The following ILKAP variants were observed in gnomAD, a reference collection of about 807,000 sequenced individuals.
ILKAP encodes ILK associated serine/threonine phosphatase, also known as integrin-linked kinase-associated serine/threonine phosphatase 2C.
In ILKAP, 11 loss-of-function variants were observed where a neutral mutation model predicts 49.1. The observed-to-expected ratio is 0.22, with a 90% CI of 0.14 to 0.37. ILKAP has a LOEUF of 0.37. Among genes scored for constraint, ILKAP ranks in the 10% least tolerant of loss-of-function variants. The pLI is 1.00. For synonymous variants in ILKAP, 186 were observed against 192.8 expected, an observed-to-expected ratio of 0.96 and a Z score of 0.29; for missense variants, 363 against 510.8, an observed-to-expected ratio of 0.71 and a Z score of 2.79.
rs531582829 is a variant in ILKAP at position 238,195,936 on chromosome 2, A to G, written c.56-1066T>C. Reference sequence around the variant, plus strand: ...CAGGCGCCTGTAGTCCAAGCTACTCAGTAGGCTGAGGTGGGAGGATCACCT... The same window carrying G: ...CAGGCGCCTGTAGTCCAAGCTACTCGGTAGGCTGAGGTGGGAGGATCACCT... On this transcript the variant is annotated intron_variant, in intron 1 of 11. Coordinates refer to ENST00000254654, the MANE Select transcript of ILKAP (RefSeq NM_030768.3). Among the ~76,000 whole-genome samples, 3 of 149,680 alleles carry G rather than the reference A, an allele frequency of 2.0e-5. No individual in the cohort carries two copies. The South Asian group carries it at 6.5e-4, about 32-fold the overall frequency.
In ILKAP at chr2:238,184,061, G is replaced by A. The variant is rs772804624; in HGVS notation, c.585C>T (p.Phe195=). ...TAAGGAACTCTTCATCAGTATGCTT[G>A]AAAGTGTCCAAAAGGCATCTCTTCA... ...KTVKRCLLDT[F]KHTDEEFLKQ... Residue 195 remains phenylalanine (F), a synonymous_variant, in exon 7 of 12, where the codon TTC becomes TTT. Transcript: ENST00000254654. The A allele has an allele frequency of 1.9e-6, 3 of 1,611,760 alleles. No homozygotes were observed. The highest frequency in any genetic ancestry group is 2.5e-6 in the Non-Finnish European group (3 of 1,177,844).
chr2:238,199,990 AT>A (rs1412679625), intron 1 of ILKAP, among the ~76,000 whole-genome samples: 3 of 152,174 alleles, frequency 2.0e-5, no homozygotes, highest in African/African-American at 4.8e-5. Flanking sequence ...CTGACCATCA[AT>A]TTTTAAAGTA....
At chr2:238,183,984 C>G (rs1559293495) in intron 7 of ILKAP, 36 bp downstream of exon 7, 2 of 1,284,652 alleles carry the variant, frequency 1.6e-6, no homozygotes, top group Admixed American at 1.7e-5. Context: ...ACACCACACA[C>G]AGTCCACTCA....
intron 9 of ILKAP, among the ~76,000 whole-genome samples, chr2:238,179,706 G>A (rs1693609093): frequency 6.6e-6 from 1 of 152,116 alleles, no homozygotes; most frequent in African/African-American, 2.4e-5. Flanking sequence ...AAGGACTACT[G>A]AGTATACAGC....
chr2:238,188,502 C>A, intron 4 of ILKAP: 1 of 410,666 alleles, frequency 2.4e-6, no homozygotes. Context: ...AGTCAGTGAG[C>A]ACAAAACAAC....
At position 238,173,625 on chromosome 2, in the gene ILKAP, C is replaced by A; in HGVS notation, c.865G>T (p.Val289Leu). The A allele has an allele frequency of 1.9e-6, 3 of 1,613,946 alleles. No individual in the cohort carries two copies. The highest frequency in any genetic ancestry group is 2.5e-6 in the Non-Finnish European group (3 of 1,179,850). ...TGCCCGTCCCCAATGGAGCGTGACACCTCTAGCACGCCCAAAACACGCCCA... is the reference window on the plus strand; with the variant it reads ...TGCCCGTCCCCAATGGAGCGTGACAACTCTAGCACGCCCAAAACACGCCCA... ...RDGRVLGVLEVSRSIGDGQYK... is the reference protein window; with the variant it reads ...RDGRVLGVLELSRSIGDGQYK... Residue 289 changes from valine (V) to leucine (L), a missense_variant, in exon 10 of 12, where the codon GTG becomes TTG. Transcript: ENST00000254654.
chr2:238,201,089 G>A (rs1455326481), intron 1 of ILKAP, among the ~76,000 whole-genome samples: 1 of 152,160 alleles, frequency 6.6e-6, no homozygotes, highest in African/African-American at 2.4e-5. Flanking sequence ...AGAGATTTGT[G>A]GTACCCACAT....
At chr2:238,198,851 A>G (rs1471464708) in intron 1 of ILKAP, among the ~76,000 whole-genome samples, 2 of 152,198 alleles carry the variant, frequency 1.3e-5, no homozygotes, top group East Asian at 3.8e-4. Context: ...TTAAAAAAGG[A>G]TGTTAAAATA....
At chr2:238,194,729 A>T in intron 2 of ILKAP, 76 bp downstream of exon 2, 1 of 1,425,648 alleles carries the variant, frequency 7.0e-7, no homozygotes, top group Non-Finnish European at 9.9e-7. Flanking sequence ...GGGGAAAGGG[A>T]AAAAGATTGA....
At chr2:238,192,424 G>A (rs563289783) in intron 3 of ILKAP, among the ~76,000 whole-genome samples, 5 of 152,106 alleles carry the variant, frequency 3.3e-5, no homozygotes, top group Middle Eastern at 3.4e-3. Context: ...ATCGGGCCGG[G>A]CAAGGTCGCT....
chr2:238,183,980 C>G, intron 7 of ILKAP, 40 bp downstream of exon 7: 1 of 1,272,956 alleles, frequency 7.9e-7, no homozygotes, highest in Non-Finnish European at 1.2e-6. Flanking sequence ...GAAAACACCA[C>G]ACACAGTCCA....
At chr2:238,171,128 AT>A (rs1438186185) in intron 10 of ILKAP, 104 bp from the exon 11 acceptor site, 1 of 755,658 alleles carries the variant, frequency 1.3e-6, no homozygotes, top group Non-Finnish European at 2.2e-6. Context: ...TTGTCCAACT[AT>A]TCAAAGGCTA....
chr2:238,175,122 C>CT (rs34662576), intron 9 of ILKAP, among the ~76,000 whole-genome samples: 38,403 of 148,128 alleles, frequency 0.26, 5,507 homozygotes, highest in South Asian at 0.37. Context: ...CTCATTCTCT[C>CT]TTTTTTTTTT....
intron 1 of ILKAP, among the ~76,000 whole-genome samples, chr2:238,196,594 C>G (rs113443120): frequency 2.6e-5 from 4 of 152,266 alleles, no homozygotes; most frequent in African/African-American, 9.6e-5. Context: ...ATCTTTTTGC[C>G]TCCATTTAGA....
intron 5 of ILKAP, chr2:238,186,169 T>C (rs750679145): frequency 6.6e-6 from 1 of 152,212 alleles, no homozygotes. Context: ...TTACAGAAAC[T>C]AACACGGCGC....
At chr2:238,184,764 A>G (rs1348891995) in intron 6 of ILKAP, among the ~76,000 whole-genome samples, 1 of 147,342 alleles carries the variant, frequency 6.8e-6, no homozygotes, top group Non-Finnish European at 1.5e-5. Context: ...GAGTCTCCCT[A>G]TGTTGCCAGG....
chr2:238,191,546 T>C (rs1694122956), intron 3 of ILKAP, among the ~76,000 whole-genome samples: 1 of 152,202 alleles, frequency 6.6e-6, no homozygotes, highest in African/African-American at 2.4e-5. Flanking sequence ...TCCCCATTAG[T>C]GTCCTGTGGC....
intron 9 of ILKAP, 27 bp from the exon 10 acceptor site, chr2:238,173,680 ACT>A: frequency 6.2e-7 from 1 of 1,608,256 alleles, no homozygotes; most frequent in Non-Finnish European, 8.5e-7. Context: ...AACATTTCAG[ACT>A]CTACCTGACA....
chr2:238,203,452 C>A (rs1574816314), intron 1 of ILKAP, 47 bp downstream of exon 1: 1 of 1,154,100 alleles, frequency 8.7e-7, no homozygotes, highest in South Asian at 2.3e-5. Flanking sequence ...CGCCCCCATC[C>A]CGCCTGCTCT....
Sources: gnomAD v4.1 joint callset for allele counts (sites outside exome capture counted in the v4.1 genomes callset) on GRCh38, gnomAD v4.1.1 for gene constraint, MANE v1.5 for transcripts, NCBI Gene and HGNC (gene_info 2026-07-23, HGNC 2026-07-21) for gene names.